Variants in SOX6 observed in about 807,000 individuals in gnomAD.
The protein encoded by SOX6 is transcription factor SOX-6.
A neutral mutation model predicts 97.8 loss-of-function variants in SOX6; 11 were observed. The ratio of observed to expected loss-of-function variants is 0.11; its 90% CI spans 0.07 to 0.19. The LOEUF is 0.19. Among genes scored for constraint, SOX6 ranks in the 10% least tolerant of loss-of-function variants. The pLI is 1.00. For missense variants in SOX6, 810 were observed against 1,039.5 expected, an observed-to-expected ratio of 0.78 and a Z score of 3.04; for synonymous variants, 360 against 371.4, an observed-to-expected ratio of 0.97 and a Z score of 0.35.
At chr11:16,473,113 T>C (rs1433123198) in intron 1 of SOX6, among the ~76,000 whole-genome samples, 2 of 152,220 alleles carry the variant, frequency 1.3e-5, no homozygotes, top group African/African-American at 4.8e-5. Context: ...TTCTTGAAAT[T>C]TGCCTTCTTT....
intron 3 of SOX6, among the ~76,000 whole-genome samples, chr11:16,695,667 A>G (rs938569727): frequency 3.3e-5 from 5 of 152,106 alleles, no homozygotes; most frequent in Admixed American, 3.3e-4. Flanking sequence ...TTCAGGAAAC[A>G]CTGCAGTCTT....
At chr11:16,031,877 C>T (rs535044361) in intron 12 of SOX6, among the ~76,000 whole-genome samples, 18 of 151,978 alleles carry the variant, frequency 1.2e-4, no homozygotes, top group Admixed American at 9.8e-4. Context: ...AAGTGTGGAC[C>T]GAGGGCGATG....
At position 15,970,561 on chromosome 11, in the gene SOX6, T is replaced by C. The variant is rs1418171499; in HGVS notation, c.*2248A>G. On this transcript the variant is annotated 3_prime_UTR_variant, in exon 16 of 16. Coordinates refer to ENST00000683767, the MANE Select transcript of SOX6 (RefSeq NM_001367873.1). ...GTAAGACAATAATAAATACTCATTT[T>C]TTGAGAGAAAAAATGACCTCCTCCT... 6.6e-6 allele frequency: 1 copy of C among 152,576 alleles called. No homozygotes were observed. Among genetic ancestry groups the C allele is most frequent in the African/African-American group, 2.4e-5 (1 of 41,420 alleles). 9.5% of individuals were successfully genotyped at this position (152,576 alleles called of 1,614,324 possible).
chr11:16,485,208 T>C (rs1860408365), intron 4 of SOX6, among the ~76,000 whole-genome samples: 1 of 152,188 alleles, frequency 6.6e-6, no homozygotes, highest in African/African-American at 2.4e-5. Context: ...AACACTTTAC[T>C]GCTCTCCTGA....
chr11:16,276,636 T>C (rs1443924188), intron 3 of SOX6, among the ~76,000 whole-genome samples: 2 of 152,188 alleles, frequency 1.3e-5, no homozygotes, highest in Non-Finnish European at 2.9e-5. Flanking sequence ...CATCTTATAA[T>C]GATAAAGGGA....
intron 4 of SOX6, among the ~76,000 whole-genome samples, chr11:16,517,333 A>G (rs2133157544): frequency 6.6e-6 from 1 of 151,574 alleles, no homozygotes; most frequent in African/African-American, 2.4e-5. Flanking sequence ...GGCCAGGGCA[A>G]TTAGGCAGGA....
At chr11:16,674,241 G>A (rs894771871) in intron 3 of SOX6, among the ~76,000 whole-genome samples, 2 of 145,324 alleles carry the variant, frequency 1.4e-5, no homozygotes, top group Admixed American at 6.9e-5. Flanking sequence ...GATTTACCAC[G>A]AGGATGCAAG....
At chr11:16,297,355 T>C (rs888516575) in intron 3 of SOX6, among the ~76,000 whole-genome samples, 2 of 152,156 alleles carry the variant, frequency 1.3e-5, no homozygotes, top group African/African-American at 4.8e-5. Flanking sequence ...TATCATAATA[T>C]AGTATTATGA....
At chr11:16,046,143 G>A (rs1369668681) in intron 12 of SOX6, among the ~76,000 whole-genome samples, 1 of 152,114 alleles carries the variant, frequency 6.6e-6, no homozygotes, top group Admixed American at 6.6e-5. Flanking sequence ...GGTGAGTCAT[G>A]GTAACATATT....
chr11:16,274,246 C>T (rs995454508), intron 3 of SOX6, among the ~76,000 whole-genome samples: 1 of 152,032 alleles, frequency 6.6e-6, no homozygotes, highest in Admixed American at 6.6e-5. Context: ...TTCAGCAACT[C>T]CTCTAATTCT....
At chr11:16,028,847 T>C (rs996673833) in intron 12 of SOX6, among the ~76,000 whole-genome samples, 1 of 152,208 alleles carries the variant, frequency 6.6e-6, no homozygotes, top group Non-Finnish European at 1.5e-5. Context: ...AAAAATCACC[T>C]GTCCTTCACA....
chr11:16,511,110 T>C (rs1860874094), intron 4 of SOX6, among the ~76,000 whole-genome samples: 2 of 152,184 alleles, frequency 1.3e-5, no homozygotes, highest in Non-Finnish European at 1.5e-5. Context: ...AGCTTCATTC[T>C]AATTGACGAC....
intron 1 of SOX6, among the ~76,000 whole-genome samples, chr11:16,422,135 C>T (rs1346854560): frequency 6.6e-6 from 1 of 152,108 alleles, no homozygotes; most frequent in Non-Finnish European, 1.5e-5. Flanking sequence ...TTATCACTTT[C>T]CTTGCAGTTG....
At chr11:16,504,987 T>G (rs1226400660) in intron 4 of SOX6, among the ~76,000 whole-genome samples, 1 of 152,164 alleles carries the variant, frequency 6.6e-6, no homozygotes, top group Non-Finnish European at 1.5e-5. Context: ...AGGTATTTCT[T>G]TACAGCAATT....
intron 4 of SOX6, among the ~76,000 whole-genome samples, chr11:16,542,251 G>A (rs1479855510): frequency 6.6e-6 from 1 of 152,082 alleles, no homozygotes; most frequent in African/African-American, 2.4e-5. Flanking sequence ...ACTCATAGGT[G>A]GGAACTGAAT....
chr11:16,496,629 A>G (rs6486293), intron 4 of SOX6, among the ~76,000 whole-genome samples: 147,284 of 152,284 alleles, frequency 0.97, 71,424 homozygotes, highest in East Asian at 1. Context: ...CTAATACTGC[A>G]CTTTTCCAAT....
chr11:16,421,687 A>G (rs918573488), intron 1 of SOX6, among the ~76,000 whole-genome samples: 1 of 152,242 alleles, frequency 6.6e-6, no homozygotes, highest in African/African-American at 2.4e-5. Context: ...ATTAGGAACT[A>G]TGACTGTTCT....
At chr11:16,665,950 G>A (rs1407111061) in intron 3 of SOX6, among the ~76,000 whole-genome samples, 2 of 152,184 alleles carry the variant, frequency 1.3e-5, no homozygotes, top group Non-Finnish European at 2.9e-5. Flanking sequence ...TGGCACATCT[G>A]TAAGTCTGCA....
intron 3 of SOX6, among the ~76,000 whole-genome samples, chr11:16,240,652 T>C (rs768758167): frequency 1.5e-4 from 23 of 152,008 alleles, no homozygotes; most frequent in Non-Finnish European, 3.2e-4. Context: ...ACTTCTGAAA[T>C]TTCCTTCAAA....
Sources: gnomAD v4.1 joint callset for allele counts (sites outside exome capture counted in the v4.1 genomes callset) on GRCh38, gnomAD v4.1.1 for gene constraint, MANE v1.5 for transcripts, NCBI Gene and HGNC (gene_info 2026-07-23, HGNC 2026-07-21) for gene names.